The following CRTAM variants were observed in gnomAD, a reference collection of about 807,000 sequenced individuals.
CRTAM encodes cytotoxic and regulatory T cell molecule, also known as cytotoxic and regulatory T-cell molecule.
CRTAM carries 44 observed loss-of-function variants against 50.0 expected under a neutral mutation model. That is an observed-to-expected ratio of 0.88 (90% confidence interval 0.69 to 1.13). CRTAM has a LOEUF of 1.13. Ranked by LOEUF, CRTAM falls within the 50% of genes most tolerant of loss-of-function variation. The pLI is 0.00. For synonymous variants in CRTAM, 159 were observed against 169.3 expected, an observed-to-expected ratio of 0.94 and a Z score of 0.47; for missense variants, 448 against 457.5, an observed-to-expected ratio of 0.98 and a Z score of 0.19.
intron 5 of CRTAM, among the ~76,000 whole-genome samples, chr11:122,859,969 A>G (rs1319680151): frequency 1.3e-5 from 2 of 152,226 alleles, no homozygotes; most frequent in African/African-American, 4.8e-5. Flanking sequence ...ATCTTTAAGC[A>G]TTTGGAGGTT....
chr11:122,870,597 C>T (rs1333537836), intron 9 of CRTAM, among the ~76,000 whole-genome samples: 1 of 152,148 alleles, frequency 6.6e-6, no homozygotes, highest in African/African-American at 2.4e-5. Context: ...TCTCTTTGTA[C>T]AGAATTGCAT....
At position 122,862,507 on chromosome 11, in the gene CRTAM, T is replaced by C. The variant is rs776342253; in HGVS notation, c.696T>C (p.Ser232=). The part of the protein sequence containing the change: ...ETASDALERN[S]LSSQDPQQPT... Reference sequence around the variant, plus strand: ...CTTCAGATGCTCTGGAGAGAAACTCTCTATCCTCTCAAGACCCACAGCAGC... The same window carrying C: ...CTTCAGATGCTCTGGAGAGAAACTCCCTATCCTCTCAAGACCCACAGCAGC... The change falls in exon 6 of 10, where the codon TCT becomes TCC. Residue 232 remains serine, a synonymous_variant. Coordinates refer to ENST00000227348, the MANE Select transcript of CRTAM (RefSeq NM_019604.4). 1.2e-6 allele frequency: 2 copies of C among 1,613,238 alleles called. No individual in the cohort carries two copies. Among genetic ancestry groups the C allele is most frequent in the South Asian group, 1.1e-5 (1 of 91,064 alleles).
intron 5 of CRTAM, among the ~76,000 whole-genome samples, chr11:122,858,651 T>G (rs1654991633): frequency 6.6e-6 from 1 of 152,134 alleles, no homozygotes; most frequent in African/African-American, 2.4e-5. Context: ...CACCTCAGTC[T>G]CCTGGGTAGC....
At chr11:122,847,069 T>A (rs530094086) in intron 1 of CRTAM, among the ~76,000 whole-genome samples, 1 of 152,370 alleles carries the variant, frequency 6.6e-6, no homozygotes, top group East Asian at 1.9e-4. Flanking sequence ...TCATGCTTAC[T>A]ATGGACTAAG....
chr11:122,856,576 T>A (rs1409445312), intron 5 of CRTAM, among the ~76,000 whole-genome samples: 1 of 152,266 alleles, frequency 6.6e-6, no homozygotes, highest in East Asian at 1.9e-4. Flanking sequence ...TACTTCTCTG[T>A]GTAATCAAAT....
In CRTAM at chr11:122,872,066, T is replaced by A. The variant is rs1054984363; in HGVS notation, c.*667T>A. 2.6e-5 allele frequency: 4 copies of A among 151,712 alleles called. No individual in the cohort carries two copies. The highest frequency in any genetic ancestry group is 9.7e-5 in the African/African-American group (4 of 41,218). The allele number at this position is 151,712 out of a possible 1,614,324, so 9.4% of individuals were successfully genotyped here. On this transcript the variant is annotated 3_prime_UTR_variant, in exon 10 of 10. Coordinates refer to ENST00000227348, the MANE Select transcript of CRTAM (RefSeq NM_019604.4). Reference sequence around the variant, plus strand: ...TGGAGAATCGCTTGAACCTGGGAGGTGGAGATTGCAGTGAGTCAAGATCTC... The same window carrying A: ...TGGAGAATCGCTTGAACCTGGGAGGAGGAGATTGCAGTGAGTCAAGATCTC...
chr11:122,868,429 C>T (rs1004138570), intron 9 of CRTAM, among the ~76,000 whole-genome samples: 7 of 152,122 alleles, frequency 4.6e-5, no homozygotes, highest in Non-Finnish European at 7.4e-5. Context: ...TCGAGTTCTG[C>T]TGCCAGGAGA....
rs577685409 is a variant in CRTAM at position 122,870,303 on chromosome 11, A to G, written c.1052-966A>G. On this transcript the variant is annotated intron_variant, in intron 9 of 9. Coordinates refer to ENST00000227348, the MANE Select transcript of CRTAM (RefSeq NM_019604.4). ...ACCATGTTGCCCAGGCTGGTCTTGA[A>G]CTCCTGGACTCAAGTGATCCACCCA... 9.3e-5 allele frequency among the ~76,000 whole-genome samples: 14 copies of G among 150,940 alleles called. No individual in the cohort carries two copies. The East Asian group carries it at 1.2e-3, about 13-fold the overall frequency.
intron 1 of CRTAM, among the ~76,000 whole-genome samples, chr11:122,843,093 G>A (rs1358784567): frequency 1.3e-5 from 2 of 152,194 alleles, no homozygotes; most frequent in African/African-American, 4.8e-5. Context: ...TCTTGGGAAA[G>A]ACCAAAAAAT....
intron 3 of CRTAM, 61 bp from the exon 4 acceptor site, chr11:122,853,882 T>A: frequency 6.7e-7 from 1 of 1,497,434 alleles, no homozygotes; most frequent in Non-Finnish European, 9.2e-7. Flanking sequence ...TTAGCCTCTG[T>A]GCTTTGTTGA....
At chr11:122,869,093 C>T (rs1040896304) in intron 9 of CRTAM, among the ~76,000 whole-genome samples, 2 of 152,122 alleles carry the variant, frequency 1.3e-5, no homozygotes, top group African/African-American at 4.8e-5. Flanking sequence ...CTAAATCATC[C>T]TGTAGAACTT....
chr11:122,849,386 C>T (rs1006360909), intron 1 of CRTAM, among the ~76,000 whole-genome samples: 2 of 152,220 alleles, frequency 1.3e-5, no homozygotes, highest in African/African-American at 4.8e-5. Flanking sequence ...ATTCCCTCGT[C>T]TGTAAAGTGA....
rs1862045233 is a variant in CRTAM at position 122,859,459 on chromosome 11, A to G, written c.653-3005A>G. ...AAAAAAAGTATATTTTGTAACACTG[A>G]AAAGATTAGTGTGAAAATGTCATTT... On this transcript the variant is annotated intron_variant, in intron 5 of 9. Coordinates refer to ENST00000227348, the MANE Select transcript of CRTAM (RefSeq NM_019604.4). Among the ~76,000 whole-genome samples the G allele has an allele frequency of 2.6e-5, 4 of 152,190 alleles. 1 individual carries two copies. In the South Asian group the frequency reaches 8.3e-4, roughly 32 times the overall value.
At chr11:122,853,831 CATTA>C (rs922166955) in intron 3 of CRTAM, 108 bp from the exon 4 acceptor site, 5 of 921,708 alleles carry the variant, frequency 5.4e-6, no homozygotes, top group Non-Finnish European at 7.6e-6. Context: ...AAAGAAAGCC[CATTA>C]ATTAGAGTAT....
At chr11:122,848,640 T>C (rs1239246799) in intron 1 of CRTAM, among the ~76,000 whole-genome samples, 2 of 152,218 alleles carry the variant, frequency 1.3e-5, no homozygotes, top group Non-Finnish European at 1.5e-5. Context: ...AGACACCAAT[T>C]AATTCCCAGA....
At chr11:122,846,542 G>A (rs1169057109) in intron 1 of CRTAM, among the ~76,000 whole-genome samples, 1 of 152,068 alleles carries the variant, frequency 6.6e-6, no homozygotes, top group African/African-American at 2.4e-5. Flanking sequence ...GCTCACTTCG[G>A]CCTCCCAAAG....
rs747458758 is a variant in CRTAM, at chr11:122,867,480, C to G, written c.889C>G (p.Leu297Val). ...GILLLTLVSF[L>V]IFILFIIVQL... The stretch of plus-strand genomic sequence containing the variant: ...CCTGCTGCTCACGCTGGTGTCCTTC[C>G]TCATTTTCATACTCTTCATCATAGT... Residue 297 changes from leucine to valine, a missense_variant, in exon 8 of 10, where the codon CTC becomes GTC. Transcript: ENST00000227348. The G allele has an allele frequency of 1.9e-6, 3 of 1,614,008 alleles. No individual in the cohort carries two copies. The highest frequency in any genetic ancestry group is 2.2e-5 in the South Asian group (2 of 91,072).
At chr11:122,862,181 A>C in intron 5 of CRTAM, 1 of 411,904 alleles carries the variant, frequency 2.4e-6, no homozygotes, top group South Asian at 5.1e-5. Context: ...ATTGATGGAT[A>C]GAAGGACACA....
intron 5 of CRTAM, among the ~76,000 whole-genome samples, chr11:122,859,040 T>TA (rs1055244735): frequency 5.3e-5 from 8 of 152,130 alleles, no homozygotes; most frequent in Non-Finnish European, 7.3e-5. Flanking sequence ...ACTGAGAAAT[T>TA]AAAAAAATAT....
Sources: allele counts gnomAD v4.1 joint callset (sites outside exome capture counted in the v4.1 genomes callset), GRCh38; gene constraint gnomAD v4.1.1; transcripts MANE v1.5; gene names NCBI Gene and HGNC (gene_info 2026-07-23, HGNC 2026-07-21).